The following PREX1 variants were observed in gnomAD, a reference collection of about 807,000 sequenced individuals.
PREX1 encodes phosphatidylinositol 3,4,5-trisphosphate-dependent Rac exchanger 1 protein.
In PREX1, 41 loss-of-function variants were observed where a neutral mutation model predicts 198.3. The observed-to-expected ratio is 0.21, with a 90% CI of 0.16 to 0.27. PREX1 has a LOEUF of 0.27. PREX1 is among the 10% of genes least tolerant of loss of function. The pLI, the probability that PREX1 is intolerant of heterozygous loss-of-function variation, is 1.00. For missense variants in PREX1, 1,620 were observed against 2,200.7 expected, an observed-to-expected ratio of 0.74 and a Z score of 5.28; for synonymous variants, 843 against 887.2, an observed-to-expected ratio of 0.95 and a Z score of 0.89.
Position 48,649,086 on chromosome 20 carries a change from A to G in PREX1, c.3305+214T>C, listed in dbSNP as rs151038654. Among the ~76,000 whole-genome samples the G allele has an allele frequency of 3.2e-3, 492 of 152,318 alleles. 2 individuals carry two copies. The highest frequency in any genetic ancestry group is 0.011 in the African/African-American group (468 of 41,568). On this transcript the variant is annotated intron_variant, in intron 25 of 39. Coordinates refer to ENST00000371941, the MANE Select transcript of PREX1 (RefSeq NM_020820.4). ...ATGATTTTCCCTGCAGGGGATATTT[A>G]GCAATGTCTGAAGACATTTTTGGTT...
the PREX1 span, among the ~76,000 whole-genome samples, chr20:48,873,554 CAAAAAAA>C: frequency 4.3e-5 from 3 of 70,110 alleles, no homozygotes; most frequent in Non-Finnish European, 5.6e-5. Flanking sequence ...AGTAAAAATA[CAAAAAAA>C]AAAAAAAAAA....
chr20:48,693,961 G>A (rs1339929128), intron 7 of PREX1, among the ~76,000 whole-genome samples: 2 of 151,578 alleles, frequency 1.3e-5, no homozygotes, highest in African/African-American at 2.4e-5. Context: ...ACCCAGGCTG[G>A]AGTACAGTGG....
chr20:48,669,041 C>T (rs2089658235), intron 14 of PREX1, among the ~76,000 whole-genome samples: 2 of 152,238 alleles, frequency 1.3e-5, no homozygotes. Context: ...GAAGCCCTGC[C>T]ACCTCCCTGC....
chr20:48,847,524 A>G, the PREX1 span, among the ~76,000 whole-genome samples: 1 of 152,204 alleles, frequency 6.6e-6, no homozygotes, highest in African/African-American at 2.4e-5. Context: ...GAAACCTTGG[A>G]AAACCCAGAG....
At chr20:48,700,500 G>A (rs964956091) in intron 7 of PREX1, among the ~76,000 whole-genome samples, 6 of 151,996 alleles carry the variant, frequency 3.9e-5, no homozygotes, top group Admixed American at 3.3e-4. Flanking sequence ...TCTCATATTT[G>A]GGGATCTATT....
intron 10 of PREX1, among the ~76,000 whole-genome samples, chr20:48,682,104 C>G (rs1048643882): frequency 2.0e-5 from 3 of 152,102 alleles, no homozygotes; most frequent in Admixed American, 6.6e-5. Context: ...GATCTCACCC[C>G]CAATACCTCT....
chr20:48,878,484 C>T, the PREX1 span, among the ~76,000 whole-genome samples: 1 of 152,196 alleles, frequency 6.6e-6, no homozygotes, highest in East Asian at 1.9e-4. Flanking sequence ...GGATTACAGG[C>T]ACGTGCCACC....
intron 3 of PREX1, among the ~76,000 whole-genome samples, chr20:48,744,031 G>C (rs1352443404): frequency 6.7e-6 from 1 of 149,140 alleles, no homozygotes; most frequent in East Asian, 2.0e-4. Flanking sequence ...TGATGATGAT[G>C]ATGAGTTAAC....
Position 48,636,748 on chromosome 20 carries a change from C to A in PREX1, c.3947-65G>T, listed in dbSNP as rs917050923. The A allele has an allele frequency of 8.3e-6, 12 of 1,438,724 alleles. No individual in the cohort carries two copies. The East Asian group carries it at 9.9e-5, about 12-fold the overall frequency. 89.1% of individuals were successfully genotyped at this position (1,438,724 alleles called of 1,614,324 possible). On this transcript the variant is annotated intron_variant, in intron 31 of 39. Transcript: ENST00000371941. ...CCCGTGCCACCAGGAGGCCCACCCC[C>A]CAAAACCCTGGGTCCAGGACCCCTC...
chr20:48,851,170 T>A, the PREX1 span, among the ~76,000 whole-genome samples: 1 of 152,334 alleles, frequency 6.6e-6, no homozygotes, highest in South Asian at 2.1e-4. Flanking sequence ...AAAAATTCCC[T>A]ATCTGGCCTT....
At chr20:48,832,115 A>G (rs932505555), upstream of PREX1, among the ~76,000 whole-genome samples, 5 of 150,444 alleles carry the variant, frequency 3.3e-5, no homozygotes, top group Non-Finnish European at 5.9e-5. Context: ...GGAAGAAGAA[A>G]AAAAAAAAAT....
chr20:48,783,308 G>C (rs1008917875), intron 1 of PREX1, among the ~76,000 whole-genome samples: 1 of 152,108 alleles, frequency 6.6e-6, no homozygotes, highest in African/African-American at 2.4e-5. Context: ...AGAAACAGAG[G>C]ATGGAGAGTG....
In PREX1 at chr20:48,650,126, G is replaced by A. The variant is rs1166859523; in HGVS notation, c.2898C>T (p.Asp966=). ...PLEPHPLCGL[D]FCPTNCHINL... ...TGATGTGGCAATTGGTGGGGCAGAA[G>A]TCCAGGCCACACAGCGGGTGGGGCT... is the stretch of plus-strand genomic sequence containing the variant. The change falls in exon 24 of 40, where the codon GAC becomes GAT. Residue 966 remains aspartate (D), a synonymous_variant. Transcript: ENST00000371941. 2 of 1,613,942 alleles carry A rather than the reference G, an allele frequency of 1.2e-6. No homozygotes were observed. The highest frequency in any genetic ancestry group is 2.7e-5 in the African/African-American group (2 of 74,936).
At position 48,657,073 on chromosome 20, in the gene PREX1, G is replaced by C; in HGVS notation, c.2090C>G (p.Pro697Arg). The change falls in exon 18 of 40, where the codon CCT (proline) becomes CGT (arginine). Residue 697 changes from proline to arginine, a missense_variant. Physicochemically the swap from Pro to Arg is moderately radical, Grantham distance 103. Around this residue, in one of 7 missense-constraint regions of PREX1, gnomAD observed 514 missense variants for 611.6 expected, o/e 0.84. Transcript: ENST00000371941. ...ILNQSFCSRR[P>R]LRLLVATKAK... The stretch of plus-strand genomic sequence containing the variant: ...CTTCGTGGCCACCAGGAGGCGCAGA[G>C]GGCGGCGGGAGCAGAAGGACTGGTT... 1 of 1,605,356 alleles carries C rather than the reference G, an allele frequency of 6.2e-7. No homozygotes were observed. The highest frequency in any genetic ancestry group is 8.5e-7 in the Non-Finnish European group (1 of 1,175,460).
At chr20:48,776,946 C>G (rs1399155652) in intron 1 of PREX1, among the ~76,000 whole-genome samples, 1 of 152,180 alleles carries the variant, frequency 6.6e-6, no homozygotes, top group Non-Finnish European at 1.5e-5. Flanking sequence ...GACTGACCTC[C>G]ACTCCAGGCC....
Position 48,625,753 on chromosome 20 carries a change from G to C in PREX1, c.*132C>G. On this transcript the variant is annotated 3_prime_UTR_variant, in exon 40 of 40. Coordinates refer to ENST00000371941, the MANE Select transcript of PREX1 (RefSeq NM_020820.4). Reference sequence around the variant, plus strand: ...GCTTGTCCCGGAAGGAGGCAGGGAGGACGCTGGGCAGGTCCCGGAACGGGC... The same window carrying C: ...GCTTGTCCCGGAAGGAGGCAGGGAGCACGCTGGGCAGGTCCCGGAACGGGC... The C allele has an allele frequency of 9.0e-7, 1 of 1,109,318 alleles. No homozygotes were observed. The highest frequency in any genetic ancestry group is 1.7e-5 in the South Asian group (1 of 58,494). 68.7% of individuals were successfully genotyped at this position (1,109,318 alleles called of 1,614,324 possible). A position where few individuals can be genotyped will look rare whatever the true frequency, so the allele number is the denominator to read the frequency against.
the PREX1 span, among the ~76,000 whole-genome samples, chr20:48,868,246 A>T: frequency 1.3e-5 from 2 of 152,184 alleles, no homozygotes; most frequent in African/African-American, 4.8e-5. Context: ...AACCCCTTCT[A>T]GGAGACAGTC....
chr20:48,705,049 G>A (rs544486413), intron 6 of PREX1, among the ~76,000 whole-genome samples: 1 of 152,308 alleles, frequency 6.6e-6, no homozygotes, highest in African/African-American at 2.4e-5. Flanking sequence ...TTTGCTGCCA[G>A]GGCTCCTCCT....
chr20:48,687,717 T>C (rs376359984), intron 10 of PREX1, among the ~76,000 whole-genome samples: 59 of 152,350 alleles, frequency 3.9e-4, no homozygotes, highest in African/African-American at 1.2e-3. Context: ...GTCTAGCACA[T>C]TGTAGGGCCT....
Sources: allele counts gnomAD v4.1 joint callset (sites outside exome capture counted in the v4.1 genomes callset), GRCh38; gene constraint gnomAD v4.1.1; regional missense constraint gnomAD v4.1.1; transcripts MANE v1.5; gene names NCBI Gene and HGNC (gene_info 2026-07-23, HGNC 2026-07-21).